LOC400499: variants seen among roughly 807,000 people sequenced by gnomAD.
chr16:11,444,344 G>A, the LOC400499 span, among the ~76,000 whole-genome samples: 1 of 152,156 alleles, frequency 6.6e-6, no homozygotes, highest in Non-Finnish European at 1.5e-5. Flanking sequence ...GCTGCAGTGA[G>A]TGAGCCATGA....
At chr16:11,383,669 C>T in the LOC400499 span, 12 of 1,232,148 alleles carry the variant, frequency 9.7e-6, no homozygotes, top group African/African-American at 7.8e-5. Flanking sequence ...GCCAGGGGTA[C>T]GAATCCACGG....
At chr16:11,453,416 C>G in the LOC400499 span, among the ~76,000 whole-genome samples, 4 of 151,924 alleles carry the variant, frequency 2.6e-5, no homozygotes, top group African/African-American at 9.7e-5. Context: ...AAGCCTCCAA[C>G]AGGAAATACA....
the LOC400499 span, chr16:11,491,990 C>T: frequency 2.5e-6 from 1 of 394,646 alleles, no homozygotes; most frequent in East Asian, 3.6e-5. Context: ...CCGACACACA[C>T]TCACCTGTGG....
the LOC400499 span, among the ~76,000 whole-genome samples, chr16:11,492,278 C>T: frequency 7.6e-6 from 1 of 132,310 alleles, no homozygotes; most frequent in Non-Finnish European, 1.6e-5. Flanking sequence ...ACCCACCCAC[C>T]CACCCATCTA....
the LOC400499 span, among the ~76,000 whole-genome samples, chr16:11,413,726 T>G: frequency 6.6e-6 from 1 of 152,230 alleles, no homozygotes; most frequent in Non-Finnish European, 1.5e-5. Flanking sequence ...CAGCATCTTC[T>G]TCTTCATCTT....
At chr16:11,372,498 G>C in the LOC400499 span, 3 of 152,612 alleles carry the variant, frequency 2.0e-5, no homozygotes, top group African/African-American at 7.2e-5. Context: ...GTGGAGGAAG[G>C]GGGAGAATTA....
chr16:11,509,453 G>T, the LOC400499 span, among the ~76,000 whole-genome samples: 4 of 151,894 alleles, frequency 2.6e-5, no homozygotes, highest in African/African-American at 4.8e-5. Flanking sequence ...CAAGTCAGCA[G>T]GACACACCCT....
chr16:11,499,350 G>A, the LOC400499 span, among the ~76,000 whole-genome samples: 1 of 135,992 alleles, frequency 7.4e-6, no homozygotes, highest in African/African-American at 2.7e-5. Flanking sequence ...AGGCAGAGGG[G>A]AATGGGGGAA....
chr16:11,469,547 G>C, the LOC400499 span: 5 of 398,956 alleles, frequency 1.3e-5, no homozygotes, highest in Admixed American at 4.4e-5. Context: ...AGAAGCTTGA[G>C]CCGGAACTTG....
At chr16:11,465,222 A>T in the LOC400499 span, 1 of 152,296 alleles carries the variant, frequency 6.6e-6, no homozygotes, top group Admixed American at 6.5e-5. Context: ...CACCTCCCAG[A>T]TTCAAGCAAT....
chr16:11,479,388 G>T, the LOC400499 span, among the ~76,000 whole-genome samples: 1 of 151,928 alleles, frequency 6.6e-6, no homozygotes, highest in Non-Finnish European at 1.5e-5. Context: ...CGAGAAAAGA[G>T]GATCGCTTGA....
At chr16:11,414,719 C>T in the LOC400499 span, among the ~76,000 whole-genome samples, 1 of 152,198 alleles carries the variant, frequency 6.6e-6, no homozygotes, top group Non-Finnish European at 1.5e-5. Context: ...CCCTGAGGAT[C>T]CAGGCCTGGG....
At chr16:11,503,292 T>C in the LOC400499 span, among the ~76,000 whole-genome samples, 1 of 151,998 alleles carries the variant, frequency 6.6e-6, no homozygotes, top group Admixed American at 6.6e-5. Context: ...TTATAGGGGG[T>C]GCAGAGGGCC....
the LOC400499 span, chr16:11,393,296 G>C: frequency 9.4e-7 from 1 of 1,061,336 alleles, no homozygotes; most frequent in Admixed American, 4.3e-5. Flanking sequence ...ACCCAGCCCC[G>C]ACTTCTGAAA....
chr16:11,524,312 A>G, the LOC400499 span, among the ~76,000 whole-genome samples: 1 of 139,514 alleles, frequency 7.2e-6, no homozygotes, highest in African/African-American at 2.7e-5. Flanking sequence ...GCTGTTATCC[A>G]TGCATCCATC....
chr16:11,390,474 C>A, the LOC400499 span: 1 of 1,237,216 alleles, frequency 8.1e-7, no homozygotes. Flanking sequence ...CTGCAACAGG[C>A]AGCCACCACC....
chr16:11,382,796 T>TGAGA, the LOC400499 span, among the ~76,000 whole-genome samples: 1 of 151,856 alleles, frequency 6.6e-6, no homozygotes, highest in Non-Finnish European at 1.5e-5. Context: ...GGTGACAGAG[T>TGAGA]GAGACTGTCC....
At chr16:11,382,555 G>A in the LOC400499 span, among the ~76,000 whole-genome samples, 25 of 149,932 alleles carry the variant, frequency 1.7e-4, no homozygotes, top group African/African-American at 6.4e-4. Flanking sequence ...CACACATTTG[G>A]TCACAGAAGT....
the LOC400499 span, among the ~76,000 whole-genome samples, chr16:11,405,403 G>A: frequency 6.6e-6 from 1 of 152,216 alleles, no homozygotes. Context: ...AGATAGTCGA[G>A]ATAGTCACAG....
Sources: gnomAD v4.1 joint callset for allele counts (sites outside exome capture counted in the v4.1 genomes callset) on GRCh38, gnomAD v4.1.1 for gene constraint, MANE v1.5 for transcripts.